The following ACACA variants were observed in gnomAD, a reference collection of about 807,000 sequenced individuals.
ACACA encodes the protein acetyl-CoA carboxylase alpha.
ACACA carries 103 observed loss-of-function variants against 296.1 expected under a neutral mutation model. The observed-to-expected ratio is 0.35, with a 90% CI of 0.30 to 0.41. ACACA has a LOEUF of 0.41. Ranked by LOEUF, ACACA falls within the 10% of genes least tolerant of loss-of-function variation. The pLI is 1.00. For missense variants in ACACA, 1,554 were observed against 2,989.7 expected (o/e 0.52, Z 11.20); for synonymous variants, 953 against 1,038.6 (o/e 0.92, Z 1.58).
intron 9 of ACACA, among the ~76,000 whole-genome samples, chr17:37,272,114 T>A (rs1443073403): frequency 1.3e-5 from 2 of 151,760 alleles, no homozygotes; most frequent in Non-Finnish European, 2.9e-5. Flanking sequence ...GAGGCCAAAG[T>A]GGGTGGATCA....
intron 52 of ACACA, 146 bp from the exon 53 acceptor site, chr17:37,098,130 G>T: frequency 9.8e-7 from 1 of 1,017,510 alleles, no homozygotes; most frequent in Non-Finnish European, 1.5e-6. Context: ...TCTGCTCTTT[G>T]CTGATTAACA....
intron 1 of ACACA, among the ~76,000 whole-genome samples, chr17:37,399,590 T>C (rs1427812210): frequency 1.3e-5 from 2 of 152,176 alleles, no homozygotes; most frequent in Non-Finnish European, 2.9e-5. Context: ...CAACAATATA[T>C]TTCTAGTTCA....
In ACACA at chr17:37,240,509, G is replaced by A; in HGVS notation, c.3088C>T (p.Gln1030Ter). ...AATTGTGTCTCTACTCGCAGGTACTGCCGGAGCAGATCCATCACCACAGCC... is the reference window on the plus strand; with the variant it reads ...AATTGTGTCTCTACTCGCAGGTACTACCGGAGCAGATCCATCACCACAGCC... ...MKAVVMDLLR[Q>*]YLRVETQFQN... is the part of the protein sequence containing the mutation. Residue 1030 changes from glutamine (Q) to a stop codon, truncating the protein, a stop_gained, in exon 24 of 56, where the codon CAG becomes TAG. Coordinates refer to ENST00000616317, the MANE Select transcript of ACACA (RefSeq NM_198834.3). LOFTEE classifies it high-confidence loss of function. 6.2e-7 allele frequency: 1 copy of A among 1,613,760 alleles called. No homozygotes were observed.
intron 3 of ACACA, among the ~76,000 whole-genome samples, chr17:37,316,403 T>G (rs1359984042): frequency 6.6e-6 from 1 of 151,966 alleles, no homozygotes; most frequent in African/African-American, 2.4e-5. Flanking sequence ...AAGACCTTAT[T>G]GGACCCTTAA....
chr17:37,378,798 A>G (rs2050116567), intron 1 of ACACA, among the ~76,000 whole-genome samples: 1 of 152,272 alleles, frequency 6.6e-6, no homozygotes, highest in South Asian at 2.1e-4. Flanking sequence ...GCGGTGGCTC[A>G]TGTCTGTAAT....
chr17:37,189,817 A>G (rs1409826851), intron 38 of ACACA, among the ~76,000 whole-genome samples: 2 of 152,148 alleles, frequency 1.3e-5, no homozygotes, highest in Non-Finnish European at 2.9e-5. Flanking sequence ...ACCCATCATT[A>G]GCTTGGAATT....
intron 50 of ACACA, among the ~76,000 whole-genome samples, chr17:37,116,784 C>G (rs944194636): frequency 1.8e-4 from 27 of 152,322 alleles, no homozygotes; most frequent in African/African-American, 6.5e-4. Context: ...ACACAATTGT[C>G]TGAAATCCCT....
At chr17:37,378,642 G>A (rs1012209639) in intron 1 of ACACA, among the ~76,000 whole-genome samples, 1 of 152,246 alleles carries the variant, frequency 6.6e-6, no homozygotes, top group African/African-American at 2.4e-5. Context: ...GAACCAGAGA[G>A]GCGGAGGTTG....
chr17:37,353,219 C>T (rs1268463544), intron 1 of ACACA, among the ~76,000 whole-genome samples: 1 of 152,134 alleles, frequency 6.6e-6, no homozygotes, highest in Non-Finnish European at 1.5e-5. Context: ...TTTCTTGCTG[C>T]TAATCTACTG....
At chr17:37,198,919 A>G (rs140402294) in intron 35 of ACACA, among the ~76,000 whole-genome samples, 117 of 152,366 alleles carry the variant, frequency 7.7e-4, no homozygotes, top group Non-Finnish European at 1.3e-3. Context: ...GCAAGGCTTA[A>G]CAACCAAATT....
chr17:37,299,921 A>C (rs1488147277), intron 3 of ACACA, among the ~76,000 whole-genome samples: 1 of 152,180 alleles, frequency 6.6e-6, no homozygotes, highest in Non-Finnish European at 1.5e-5. Context: ...AATAATACCA[A>C]TTATCAGACT....
chr17:37,143,933 T>C (rs367860803), intron 45 of ACACA: 74 of 1,155,570 alleles, frequency 6.4e-5, no homozygotes, highest in East Asian at 4.7e-4. Flanking sequence ...ACATCACCAA[T>C]GGACAAGCCA....
chr17:37,346,701 CAAAA>C (rs1233696565), intron 1 of ACACA, among the ~76,000 whole-genome samples: 2 of 36,698 alleles, frequency 5.4e-5, no homozygotes, highest in Non-Finnish European at 7.0e-5. Context: ...GACTCCATCT[CAAAA>C]AAAAAAAAAA....
At chr17:37,288,539 T>C (rs1228822806) in intron 3 of ACACA, among the ~76,000 whole-genome samples, 6 of 152,224 alleles carry the variant, frequency 3.9e-5, no homozygotes, top group Non-Finnish European at 8.8e-5. Flanking sequence ...TTCTATATCT[T>C]GATCTCATAG....
At chr17:37,290,123 T>C (rs547128925) in intron 3 of ACACA, among the ~76,000 whole-genome samples, 1 of 152,188 alleles carries the variant, frequency 6.6e-6, no homozygotes, top group Admixed American at 6.5e-5. Flanking sequence ...TCTCGGCTTA[T>C]TGCAACCTCC....
intron 2 of ACACA, among the ~76,000 whole-genome samples, chr17:37,333,076 A>G (rs1299612065): frequency 6.6e-6 from 1 of 152,160 alleles, no homozygotes; most frequent in Non-Finnish European, 1.5e-5. Flanking sequence ...ACTTGAAAGT[A>G]ATGCCCTCAC....
intron 41 of ACACA, among the ~76,000 whole-genome samples, chr17:37,167,926 C>T (rs1433145600): frequency 6.6e-6 from 1 of 152,068 alleles, no homozygotes; most frequent in Non-Finnish European, 1.5e-5. Context: ...GTGTTCTGTA[C>T]AGCCTTATAA....
intron 1 of ACACA, among the ~76,000 whole-genome samples, chr17:37,395,454 C>G (rs2051047615): frequency 6.6e-6 from 1 of 151,142 alleles, no homozygotes; most frequent in Non-Finnish European, 1.5e-5. Flanking sequence ...AAATCTGTCT[C>G]TTCTTCTTGG....
At chr17:37,297,441 CGAAAG>C (rs2083397815) in intron 3 of ACACA, among the ~76,000 whole-genome samples, 1 of 111,216 alleles carries the variant, frequency 9.0e-6, no homozygotes. Context: ...AACTCTGTCT[CGAAAG>C]AAAAAAAAAA....
Sources: gnomAD v4.1 joint callset for allele counts (sites outside exome capture counted in the v4.1 genomes callset) on GRCh38, gnomAD v4.1.1 for gene constraint, MANE v1.5 for transcripts, NCBI Gene and HGNC (gene_info 2026-07-23, HGNC 2026-07-21) for gene names.